The following MARCO variants were observed in gnomAD, a reference collection of about 807,000 sequenced individuals.
The protein encoded by MARCO is macrophage receptor with collagenous structure, also known as macrophage receptor MARCO.
A neutral mutation model predicts 70.0 loss-of-function variants in MARCO; 72 were observed. That is an observed-to-expected ratio of 1.03 (90% CI 0.85 to 1.25). The LOEUF (loss-of-function observed/expected upper bound fraction) is 1.25. Ranked by LOEUF, MARCO falls within the 50% of genes most tolerant of loss-of-function variation. The pLI is 0.00. For missense variants in MARCO, 696 were observed against 659.3 expected (o/e 1.06, Z -0.61); for synonymous variants, 273 against 243.1 (o/e 1.12, Z -1.14).
intron 1 of MARCO, among the ~76,000 whole-genome samples, chr2:118,963,593 C>A (rs937674568): frequency 6.6e-6 from 1 of 152,006 alleles, no homozygotes; most frequent in African/African-American, 2.4e-5. Context: ...TCTGTGTGTT[C>A]ATTAGATACT....
intron 1 of MARCO, among the ~76,000 whole-genome samples, chr2:118,966,935 CATTCCTG>C (rs1680063027): frequency 6.6e-6 from 1 of 152,192 alleles, no homozygotes; most frequent in Non-Finnish European, 1.5e-5. Context: ...CCCTGAGTTG[CATTCCTG>C]ATGTTCTTTC....
At chr2:118,942,526 C>T in intron 1 of MARCO, 129 bp downstream of exon 1, 1 of 665,580 alleles carries the variant, frequency 1.5e-6, no homozygotes, top group South Asian at 1.8e-5. Context: ...GTAATCATCA[C>T]TAATACTGTC....
chr2:118,955,906 G>C (rs958689119), intron 1 of MARCO, among the ~76,000 whole-genome samples: 1 of 152,156 alleles, frequency 6.6e-6, no homozygotes, highest in African/African-American at 2.4e-5. Context: ...CAAATGCTGA[G>C]ATAATTCACC....
chr2:118,950,477 G>A (rs1679700733), intron 1 of MARCO, among the ~76,000 whole-genome samples: 2 of 152,090 alleles, frequency 1.3e-5, no homozygotes. Context: ...ACCTTTTAAT[G>A]TAGGTAGAAA....
intron 4 of MARCO, 102 bp downstream of exon 4, chr2:118,971,636 C>A: frequency 8.7e-7 from 1 of 1,148,094 alleles, no homozygotes; most frequent in Non-Finnish European, 1.3e-6. Context: ...CTGACCCTAG[C>A]TTACCTTCCC....
chr2:118,955,560 C>A (rs1383593998), intron 1 of MARCO, among the ~76,000 whole-genome samples: 1 of 152,126 alleles, frequency 6.6e-6, no homozygotes, highest in African/African-American at 2.4e-5. Context: ...CTTTCCTGGC[C>A]TTCCCAGAGA....
In MARCO at chr2:118,981,488, C is replaced by G; in HGVS notation, c.846C>G (p.Phe282Leu). 1.3e-6 allele frequency: 2 copies of G among 1,599,396 alleles called. No homozygotes were observed. The highest frequency in any genetic ancestry group is 1.8e-5 in the Admixed American group (1 of 55,202). The stretch of plus-strand genomic sequence containing the variant: ...GAGCCCAGGGGAGTAAAGGTGACTT[C>G]GGGAGGCCAGGCCCACCAGGTAAGA... ...PPGAQGSKGD[F>L]GRPGPPGLAG... Residue 282 changes from phenylalanine (F) to leucine (L), a missense_variant, in exon 9 of 17, where the codon TTC becomes TTG. Phe to Leu is a conservative substitution (Grantham distance 22, BLOSUM62 0). Transcript: ENST00000327097.
chr2:118,959,419 A>G (rs995228556), intron 1 of MARCO, among the ~76,000 whole-genome samples: 1 of 152,226 alleles, frequency 6.6e-6, no homozygotes, highest in Non-Finnish European at 1.5e-5. Context: ...AATGCAAATC[A>G]AAACCACAGT....
At position 118,991,773 on chromosome 2, in the gene MARCO, C is replaced by T. The variant is rs548186856; in HGVS notation, c.1109-4C>T. ...CCTGATCAGGGCAGTGTCTCTCCTTCCAGGCCCTGCAGGTGTGAAGGGAGA... is the reference window on the plus strand; with the variant it reads ...CCTGATCAGGGCAGTGTCTCTCCTTTCAGGCCCTGCAGGTGTGAAGGGAGA... On this transcript the variant is annotated splice_polypyrimidine_tract_variant and splice_region_variant and intron_variant, in intron 13 of 16. Coordinates refer to ENST00000327097, the MANE Select transcript of MARCO (RefSeq NM_006770.4). 21 of 1,566,076 alleles carry T rather than the reference C, an allele frequency of 1.3e-5. No individual in the cohort carries two copies. In the African/African-American group the frequency reaches 2.3e-4, roughly 17 times the overall value.
intron 12 of MARCO, among the ~76,000 whole-genome samples, chr2:118,985,138 C>A (rs1214974343): frequency 6.6e-6 from 1 of 152,168 alleles, no homozygotes; most frequent in Non-Finnish European, 1.5e-5. Flanking sequence ...AACAAGGAAG[C>A]AAAGGCTCAG....
chr2:118,990,879 G>A (rs1680609258), intron 13 of MARCO, among the ~76,000 whole-genome samples: 1 of 149,360 alleles, frequency 6.7e-6, no homozygotes, highest in Non-Finnish European at 1.5e-5. Flanking sequence ...AGGGGCTGAG[G>A]ATGGCAAAGG....
At chr2:118,957,462 A>G (rs926180773) in intron 1 of MARCO, among the ~76,000 whole-genome samples, 1 of 152,126 alleles carries the variant, frequency 6.6e-6, no homozygotes, top group Non-Finnish European at 1.5e-5. Flanking sequence ...CCCTGAACAG[A>G]CCAATAGCAA....
chr2:118,972,270 C>T (rs954326025), intron 4 of MARCO, among the ~76,000 whole-genome samples: 7 of 152,236 alleles, frequency 4.6e-5, no homozygotes, highest in Non-Finnish European at 8.8e-5. Context: ...CACTCACAGC[C>T]CTGTTCCATT....
chr2:118,986,454 A>G (rs1680484296), intron 12 of MARCO, among the ~76,000 whole-genome samples: 1 of 151,060 alleles, frequency 6.6e-6, no homozygotes, highest in Non-Finnish European at 1.5e-5. Flanking sequence ...AAAGAATTTG[A>G]GCCTGCAGTG....
chr2:118,979,777 G>T (rs146173749), intron 8 of MARCO, among the ~76,000 whole-genome samples: 3 of 152,272 alleles, frequency 2.0e-5, no homozygotes, highest in African/African-American at 7.2e-5. Flanking sequence ...CTTACCCATG[G>T]CTTGCTCAAT....
At chr2:118,992,809 T>C (rs1680647266) in intron 15 of MARCO, among the ~76,000 whole-genome samples, 1 of 151,322 alleles carries the variant, frequency 6.6e-6, no homozygotes. Context: ...ATTCTTTCCT[T>C]CCTTCCTTCT....
intron 15 of MARCO, 31 bp from the exon 16 acceptor site, chr2:118,993,093 T>C: frequency 6.2e-7 from 1 of 1,610,746 alleles, no homozygotes; most frequent in Non-Finnish European, 8.5e-7. Context: ...GGGGCCTTCC[T>C]TGCCTCTCCC....
chr2:118,945,397 CTT>C (rs1188221342), intron 1 of MARCO, among the ~76,000 whole-genome samples: 2 of 142,668 alleles, frequency 1.4e-5, no homozygotes, highest in African/African-American at 2.6e-5. Flanking sequence ...GTCGGAACCT[CTT>C]GTTTCTTTTT....
At position 118,974,827 on chromosome 2, in the gene MARCO, C is replaced by T. The variant is rs1680249783; in HGVS notation, c.613+262C>T. ...TAGATGGGGCTGGGGGGTGTGACTC[C>T]TACCCCCTCCTCTGTGTGAGAATGT... On this transcript the variant is annotated intron_variant, in intron 6 of 16. Coordinates refer to ENST00000327097, the MANE Select transcript of MARCO (RefSeq NM_006770.4). Among the ~76,000 whole-genome samples, 4 of 152,130 alleles carry T rather than the reference C, an allele frequency of 2.6e-5. 1 individual carries two copies. In the South Asian group the frequency reaches 8.3e-4, roughly 32 times the overall value.
Sources: allele counts gnomAD v4.1 joint callset (sites outside exome capture counted in the v4.1 genomes callset), GRCh38; gene constraint gnomAD v4.1.1; transcripts MANE v1.5; gene names NCBI Gene and HGNC (gene_info 2026-07-23, HGNC 2026-07-21).